MAN1C1: variants seen among roughly 807,000 people sequenced by gnomAD.
MAN1C1 encodes mannosidase alpha class 1C member 1.
A neutral mutation model predicts 71.5 loss-of-function variants in MAN1C1; 49 were observed. The observed-to-expected ratio is 0.69, with a 90% confidence interval of 0.54 to 0.87. The LOEUF (loss-of-function observed/expected upper bound fraction) is 0.87, where lower values mean the gene tolerates loss of function less well. Ranked by LOEUF, MAN1C1 falls within the 40% of genes least tolerant of loss-of-function variation. The pLI is 0.00. For missense variants in MAN1C1, 743 were observed against 835.0 expected (o/e 0.89, Z 1.36); for synonymous variants, 352 against 343.7 (o/e 1.02, Z -0.27).
At chr1:25,771,284 C>T (rs1460632401) in intron 7 of MAN1C1, among the ~76,000 whole-genome samples, 1 of 152,196 alleles carries the variant, frequency 6.6e-6, no homozygotes, top group Non-Finnish European at 1.5e-5. Flanking sequence ...TCATGTTTGT[C>T]ACTGGGTAAT....
chr1:25,743,932 C>T lies in MAN1C1; in HGVS notation c.638-2736C>T, dbSNP rs148442266. Reference sequence around the variant, plus strand: ...GCAACTGTTTTCACAGAGAATTGAGCGGCCCTGCAATGCCTGATGCGTGGA... The same window carrying T: ...GCAACTGTTTTCACAGAGAATTGAGTGGCCCTGCAATGCCTGATGCGTGGA... On this transcript the variant is annotated intron_variant, in intron 2 of 11. Transcript: ENST00000374332. Among the ~76,000 whole-genome samples, 279 of 152,308 alleles carry T rather than the reference C, an allele frequency of 1.8e-3. 1 individual carries two copies. The highest frequency in any genetic ancestry group is 3.2e-3 in the Non-Finnish European group (217 of 68,012).
At chr1:25,708,257 G>T (rs553663874) in intron 2 of MAN1C1, among the ~76,000 whole-genome samples, 3 of 152,148 alleles carry the variant, frequency 2.0e-5, no homozygotes, top group Non-Finnish European at 4.4e-5. Context: ...TGAACTGAGG[G>T]TTCCTCCCTT....
chr1:25,710,404 G>T (rs1346269963), intron 2 of MAN1C1, among the ~76,000 whole-genome samples: 1 of 152,224 alleles, frequency 6.6e-6, no homozygotes, highest in Non-Finnish European at 1.5e-5. Flanking sequence ...TTGCCTGCTG[G>T]CTGACAAATG....
chr1:25,763,844 A>G, intron 6 of MAN1C1, 30 bp from the exon 7 acceptor site: 1 of 1,594,568 alleles, frequency 6.3e-7, no homozygotes, highest in Non-Finnish European at 8.6e-7. Flanking sequence ...CGGAAGCATG[A>G]AGGCTCACCT....
In MAN1C1 at chr1:25,753,529, G is replaced by T. The variant is rs773084177; in HGVS notation, c.880G>T (p.Ala294Ser). The T allele has an allele frequency of 1.9e-6, 3 of 1,613,870 alleles. No individual in the cohort carries two copies. Among genetic ancestry groups the T allele is most frequent in the Non-Finnish European group, 2.5e-6 (3 of 1,179,908 alleles). ...CAGGCTGGGAGAGAAGCTCCTGCCG[G>T]CGTTCAACACCCCCACGGGAATCCC... ...AIRLGEKLLP[A>S]FNTPTGIPKG... is the part of the protein sequence containing the mutation. Residue 294 changes from alanine (A) to serine (S), a missense_variant, in exon 5 of 12, where the codon GCG becomes TCG. By Grantham distance (99) the Ala-to-Ser change is moderately conservative (BLOSUM62 1). Coordinates refer to ENST00000374332, the MANE Select transcript of MAN1C1 (RefSeq NM_020379.4). The surrounding 1 kb of genome is among the most constrained non-coding windows in gnomAD (Gnocchi z 4.9).
At chr1:25,701,941 T>G (rs1038404778) in intron 2 of MAN1C1, among the ~76,000 whole-genome samples, 28 of 152,144 alleles carry the variant, frequency 1.8e-4, no homozygotes, top group African/African-American at 6.0e-4. Context: ...ACACCTGTAA[T>G]CCCAGCTACT....
Position 25,764,435 on chromosome 1 carries a change from CAG to C in MAN1C1, c.1141+471_1141+472del, listed in dbSNP as rs1436145388. ...TTTTTTTGTTTTTTTGTTTTTGAGA[CAG>C]AGTCTCACTCTGTCACCCAGGCCGG... On this transcript the variant is annotated intron_variant, in intron 7 of 11. Transcript: ENST00000374332. This position sits in a 1 kb window ranked among gnomAD's most constrained non-coding sequence, Gnocchi z 4.4. Among the ~76,000 whole-genome samples the C allele has an allele frequency of 6.6e-6, 1 of 151,932 alleles. No individual in the cohort carries two copies. Among genetic ancestry groups the C allele is most frequent in the Non-Finnish European group, 1.5e-5 (1 of 67,996 alleles).
intron 1 of MAN1C1, among the ~76,000 whole-genome samples, chr1:25,652,065 T>A (rs2045700555): frequency 6.6e-6 from 1 of 152,168 alleles, no homozygotes; most frequent in South Asian, 2.1e-4. Context: ...TGCTTGATCT[T>A]TCTGATTGGC....
Position 25,711,732 on chromosome 1 carries a change from G to A in MAN1C1, c.637+25196G>A, listed in dbSNP as rs541502046. Among the ~76,000 whole-genome samples, 13 of 150,226 alleles carry A rather than the reference G, an allele frequency of 8.7e-5. No individual in the cohort carries two copies. Among genetic ancestry groups the A allele is most frequent in the African/African-American group, 2.9e-4 (12 of 40,694 alleles). ...ACTTCCTCCCCTCCTCCGTGGGTGC[G>A]CAGCCCAGGCCACTGCTTGTCTTGG... is the stretch of plus-strand genomic sequence containing the variant. On this transcript the variant is annotated intron_variant, in intron 2 of 11. Transcript: ENST00000374332. This position sits in a 1 kb window ranked among gnomAD's most constrained non-coding sequence, Gnocchi z 4.3.
chr1:25,739,874 C>T (rs2047035830), intron 2 of MAN1C1, among the ~76,000 whole-genome samples: 1 of 152,300 alleles, frequency 6.6e-6, no homozygotes, highest in East Asian at 1.9e-4. Context: ...AGCCGAACCC[C>T]TTACCTTTAA....
At position 25,782,844 on chromosome 1, in the gene MAN1C1, A is replaced by G; in HGVS notation, c.1766+144A>G. 1 of 628,266 alleles carries G rather than the reference A, an allele frequency of 1.6e-6. No individual in the cohort carries two copies. Among genetic ancestry groups the G allele is most frequent in the Non-Finnish European group, 2.8e-6 (1 of 358,292 alleles). 38.9% of individuals were successfully genotyped at this position (628,266 alleles called of 1,614,324 possible). ...AAGGGCTTGGGATCCAGAGGGCTGC[A>G]CCCCAGGTGTGAGCCTTGGGCCAGG... On this transcript the variant is annotated intron_variant, in intron 11 of 11. Coordinates refer to ENST00000374332, the MANE Select transcript of MAN1C1 (RefSeq NM_020379.4). The surrounding 1 kb of genome is among the most constrained non-coding windows in gnomAD (Gnocchi z 4.4).
intron 2 of MAN1C1, among the ~76,000 whole-genome samples, chr1:25,702,936 T>C (rs2046466284): frequency 2.0e-5 from 3 of 152,172 alleles, no homozygotes; most frequent in Admixed American, 2.0e-4. Flanking sequence ...ACTCTGTGAA[T>C]TGAACAGTTT....
At chr1:25,722,639 G>GA (rs1202606502) in intron 2 of MAN1C1, among the ~76,000 whole-genome samples, 1 of 152,148 alleles carries the variant, frequency 6.6e-6, no homozygotes, top group African/African-American at 2.4e-5. Context: ...AGTCTCTGAT[G>GA]ATATTTTGTT....
At chr1:25,717,356 G>A (rs1557777383) in intron 2 of MAN1C1, among the ~76,000 whole-genome samples, 1 of 151,734 alleles carries the variant, frequency 6.6e-6, no homozygotes, top group Non-Finnish European at 1.5e-5. Context: ...ACAAAAAAAA[G>A]AAAAAATTAT....
chr1:25,720,977 C>CATAG (rs1397687729), intron 2 of MAN1C1, among the ~76,000 whole-genome samples: 1 of 152,132 alleles, frequency 6.6e-6, no homozygotes, highest in Non-Finnish European at 1.5e-5. Flanking sequence ...CTTAGTTGAG[C>CATAG]ATAGTATCAG....
chr1:25,730,818 T>TGGAGTCCTGCTG lies in MAN1C1; in HGVS notation c.638-15850_638-15849insGGAGTCCTGCTG, dbSNP rs1557783044. ...TTTTCACTCTCCTGCCAGACTCTGT[T>TGGAGTCCTGCTG]CATGGAGTCCTGCACCCTTCACCTG... On this transcript the variant is annotated intron_variant, in intron 2 of 11. Coordinates refer to ENST00000374332, the MANE Select transcript of MAN1C1 (RefSeq NM_020379.4). This position sits in a 1 kb window ranked among gnomAD's most constrained non-coding sequence, Gnocchi z 4.3. 1.3e-5 allele frequency among the ~76,000 whole-genome samples: 2 copies of TGGAGTCCTGCTG among 152,032 alleles called. No individual in the cohort carries two copies. Among genetic ancestry groups the TGGAGTCCTGCTG allele is most frequent in the Admixed American group, 1.3e-4 (2 of 15,268 alleles).
intron 2 of MAN1C1, among the ~76,000 whole-genome samples, chr1:25,688,491 C>T (rs958893783): frequency 5.9e-5 from 9 of 152,176 alleles, no homozygotes; most frequent in Non-Finnish European, 1.0e-4. Flanking sequence ...ACAGCATGGG[C>T]GCAGCTATTG....
At chr1:25,664,389 A>G (rs1284292262) in intron 1 of MAN1C1, among the ~76,000 whole-genome samples, 1 of 152,192 alleles carries the variant, frequency 6.6e-6, no homozygotes, top group East Asian at 1.9e-4. Context: ...CTTGGAAAAC[A>G]GTTGTCAAGG....
rs1359359542 is a variant in MAN1C1, at chr1:25,711,440, A to G, written c.637+24904A>G. On this transcript the variant is annotated intron_variant, in intron 2 of 11. Transcript: ENST00000374332. This position sits in a 1 kb window ranked among gnomAD's most constrained non-coding sequence, Gnocchi z 4.3. ...CTCATGGATGGGTCAGTGTGGGAGAAAGAAGTTGAATTCTCATCTCCTCAG... is the reference window on the plus strand; with the variant it reads ...CTCATGGATGGGTCAGTGTGGGAGAGAGAAGTTGAATTCTCATCTCCTCAG... Among the ~76,000 whole-genome samples the G allele has an allele frequency of 6.6e-6, 1 of 152,218 alleles. No homozygotes were observed. The highest frequency in any genetic ancestry group is 1.5e-5 in the Non-Finnish European group (1 of 68,038).
Sources: allele counts gnomAD v4.1 joint callset (sites outside exome capture counted in the v4.1 genomes callset), GRCh38; gene constraint gnomAD v4.1.1; non-coding constraint Gnocchi (gnomAD v3.1); transcripts MANE v1.5; gene names NCBI Gene and HGNC (gene_info 2026-07-23, HGNC 2026-07-21).